Variants in RPH3A observed in about 807,000 individuals in gnomAD.
RPH3A encodes the protein rabphilin-3A.
In RPH3A, 48 loss-of-function variants were observed where a neutral mutation model predicts 102.2. The ratio of observed to expected loss-of-function variants is 0.47; its 90% CI spans 0.37 to 0.60. The LOEUF (loss-of-function observed/expected upper bound fraction) is 0.60. RPH3A is among the 20% of genes least tolerant of loss of function. RPH3A has a pLI of 0.00. For synonymous variants in RPH3A, 310 were observed against 324.3 expected (o/e 0.96, Z 0.47); for missense variants, 781 against 910.1 (o/e 0.86, Z 1.83).
intron 1 of RPH3A, among the ~76,000 whole-genome samples, chr12:112,765,352 C>T (rs115660638): frequency 6.6e-6 from 1 of 151,882 alleles, no homozygotes; most frequent in Non-Finnish European, 1.5e-5. Context: ...AATTTTGGCT[C>T]TGACAAGTTA....
intron 2 of RPH3A, among the ~76,000 whole-genome samples, chr12:112,808,029 G>A (rs776519830): frequency 1.8e-4 from 27 of 152,076 alleles, no homozygotes; most frequent in Non-Finnish European, 3.8e-4. Flanking sequence ...CATGGAGTAG[G>A]TGCTCAGTAA....
intron 2 of RPH3A, among the ~76,000 whole-genome samples, chr12:112,808,017 G>A (rs2041502216): frequency 6.6e-6 from 1 of 152,150 alleles, no homozygotes; most frequent in African/African-American, 2.4e-5. Context: ...CCTAGTGTCT[G>A]GCATGGAGTA....
At chr12:112,724,824 C>T (rs2040575454) in intron 1 of RPH3A, among the ~76,000 whole-genome samples, 1 of 152,016 alleles carries the variant, frequency 6.6e-6, no homozygotes, top group African/African-American at 2.4e-5. Context: ...CAAAAATTAG[C>T]CAGGCGTGGT....
chr12:112,716,946 T>C (rs2040517242), intron 1 of RPH3A, among the ~76,000 whole-genome samples: 2 of 152,196 alleles, frequency 1.3e-5, no homozygotes, highest in Non-Finnish European at 1.5e-5. Flanking sequence ...TCTTGGAGCT[T>C]TGCCTGGAGT....
At chr12:112,599,055 A>T (rs1361499006) in intron 1 of RPH3A, among the ~76,000 whole-genome samples, 4 of 152,162 alleles carry the variant, frequency 2.6e-5, no homozygotes. Flanking sequence ...GCCATTAATC[A>T]TTTGTCTGCT....
intron 1 of RPH3A, among the ~76,000 whole-genome samples, chr12:112,580,489 C>T (rs1161870613): frequency 6.7e-6 from 1 of 150,056 alleles, no homozygotes; most frequent in African/African-American, 2.5e-5. Flanking sequence ...CTGCAAGCTC[C>T]GCCTCCCGAG....
At chr12:112,811,539 A>C (rs562598279) in intron 2 of RPH3A, among the ~76,000 whole-genome samples, 4,691 of 122,088 alleles carry the variant, frequency 0.038, 143 homozygotes, top group African/African-American at 0.095. Context: ...CCCCCCCCCC[A>C]AAAAAAAGAG....
At chr12:112,645,963 T>C (rs1420323149) in intron 1 of RPH3A, among the ~76,000 whole-genome samples, 6 of 152,184 alleles carry the variant, frequency 3.9e-5, no homozygotes, top group Non-Finnish European at 1.5e-5. Context: ...TCGATTTTCA[T>C]ATTGTTTTGA....
chr12:112,723,588 T>C (rs139714603), intron 1 of RPH3A, among the ~76,000 whole-genome samples: 1 of 152,364 alleles, frequency 6.6e-6, no homozygotes, highest in East Asian at 1.9e-4. Flanking sequence ...GCATTTTGTA[T>C]GGGTCCCATG....
intron 1 of RPH3A, among the ~76,000 whole-genome samples, chr12:112,769,781 T>C (rs1339466001): frequency 6.6e-6 from 1 of 152,198 alleles, no homozygotes; most frequent in East Asian, 1.9e-4. Flanking sequence ...TAATGAAGGG[T>C]ACATTCTGAT....
At chr12:112,653,369 A>G (rs112664866) in intron 1 of RPH3A, among the ~76,000 whole-genome samples, 7 of 126,836 alleles carry the variant, frequency 5.5e-5, no homozygotes, top group African/African-American at 1.6e-4. Flanking sequence ...GACTCCATCT[A>G]AAAAAAAAAA....
intron 1 of RPH3A, among the ~76,000 whole-genome samples, chr12:112,612,217 A>G (rs546483136): frequency 6.6e-6 from 1 of 152,344 alleles, no homozygotes; most frequent in South Asian, 2.1e-4. Flanking sequence ...GCCTTTAATT[A>G]GAGCCTTTAC....
intron 2 of RPH3A, among the ~76,000 whole-genome samples, chr12:112,804,123 A>T (rs977047553): frequency 3.3e-5 from 5 of 152,198 alleles, no homozygotes; most frequent in African/African-American, 1.2e-4. Context: ...TCCATTACAG[A>T]TGAAGGAACT....
chr12:112,643,310 C>A (rs190281638), intron 1 of RPH3A, among the ~76,000 whole-genome samples: 155 of 152,302 alleles, frequency 1.0e-3, no homozygotes, highest in Non-Finnish European at 1.7e-3. Flanking sequence ...TTTCCTAATT[C>A]ATTACTTCCA....
At chr12:112,644,085 G>A (rs139175473) in intron 1 of RPH3A, among the ~76,000 whole-genome samples, 5 of 152,316 alleles carry the variant, frequency 3.3e-5, no homozygotes, top group Non-Finnish European at 2.9e-5. Flanking sequence ...TTAAGTGGGA[G>A]CTAAATAATG....
At chr12:112,753,830 A>G (rs2040802305) in intron 1 of RPH3A, among the ~76,000 whole-genome samples, 1 of 152,214 alleles carries the variant, frequency 6.6e-6, no homozygotes, top group Admixed American at 6.5e-5. Flanking sequence ...ATATTATCTT[A>G]TGTGGCAGAA....
rs754333386 is a variant in RPH3A, at chr12:112,876,732, A to G, written c.1037A>G (p.Glu346Gly). The G allele has an allele frequency of 6.2e-7, 1 of 1,613,234 alleles. No homozygotes were observed. Among genetic ancestry groups the G allele is most frequent in the South Asian group, 1.1e-5 (1 of 90,866 alleles). Residue 346 changes from glutamate (E) to glycine (G), a missense_variant, in exon 13 of 22, where the codon GAG becomes GGG. By Grantham distance (98) the Glu-to-Gly change is moderately conservative. This residue lies in a region of RPH3A where 730 missense variants were observed against 810.0 expected (regional missense o/e 0.90). Coordinates refer to ENST00000389385, the MANE Select transcript of RPH3A (RefSeq NM_001143854.2). Reference sequence around the variant, plus strand: ...GGCTACCCAGCAGTTGGAGCCAGAGAGGACCGAATGAGCCACCCCTCCGGA... The same window carrying G: ...GGCTACCCAGCAGTTGGAGCCAGAGGGGACCGAATGAGCCACCCCTCCGGA... ...VGGYPAVGAR[E>G]DRMSHPSGPY...
chr12:112,580,759 G>T, intron 1 of RPH3A, among the ~76,000 whole-genome samples: 1 of 152,106 alleles, frequency 6.6e-6, no homozygotes, highest in Non-Finnish European at 1.5e-5. Flanking sequence ...GGGGAAGTTA[G>T]CTAGTTTGCA....
chr12:112,828,531 T>A, intron 3 of RPH3A, 142 bp downstream of exon 3: 1 of 625,852 alleles, frequency 1.6e-6, no homozygotes, highest in Non-Finnish European at 2.8e-6. Context: ...CATGAAAACA[T>A]CTCCCCTAGT....
Sources: allele counts gnomAD v4.1 joint callset (sites outside exome capture counted in the v4.1 genomes callset), GRCh38; gene constraint gnomAD v4.1.1; regional missense constraint gnomAD v4.1.1; transcripts MANE v1.5; gene names NCBI Gene and HGNC (gene_info 2026-07-23, HGNC 2026-07-21).